LMO7: variants seen among roughly 807,000 people sequenced by gnomAD.
LMO7 encodes LIM domain 7.
A neutral mutation model predicts 206.5 loss-of-function variants in LMO7; 120 were observed. That is an observed-to-expected ratio of 0.58 (90% CI 0.50 to 0.68). LMO7 has a LOEUF of 0.68. Among genes scored for constraint, LMO7 ranks in the 30% least tolerant of loss-of-function variants. LMO7 has a pLI of 0.00. For missense variants in LMO7, 1,959 were observed against 1,957.9 expected, an observed-to-expected ratio of 1.00 and a Z score of -0.01; for synonymous variants, 706 against 681.5, an observed-to-expected ratio of 1.04 and a Z score of -0.56.
chr13:75,756,207 A>C (rs1646049428), intron 3 of LMO7, among the ~76,000 whole-genome samples: 1 of 152,130 alleles, frequency 6.6e-6, no homozygotes, highest in Non-Finnish European at 1.5e-5. Flanking sequence ...TCAGCAAGAG[A>C]CCAAGGTAGA....
intron 6 of LMO7, among the ~76,000 whole-genome samples, chr13:75,797,325 T>G (rs2054156949): frequency 6.6e-6 from 1 of 152,230 alleles, no homozygotes; most frequent in Non-Finnish European, 1.5e-5. Context: ...GTCATTCATA[T>G]TTTGCAATCA....
chr13:75,646,278 C>G (rs746491181), intron 1 of LMO7, among the ~76,000 whole-genome samples: 7 of 152,210 alleles, frequency 4.6e-5, no homozygotes, highest in Non-Finnish European at 1.0e-4. Context: ...CCACCTCTTG[C>G]CACATCCACC....
intron 1 of LMO7, among the ~76,000 whole-genome samples, chr13:75,663,438 T>TC (rs1220617573): frequency 0.016 from 2,354 of 144,500 alleles, 36 homozygotes; most frequent in Non-Finnish European, 0.02. Context: ...CTTTCTTTTT[T>TC]TTTTTTTTTT....
At chr13:75,705,059 G>A (rs1302826211) in intron 1 of LMO7, among the ~76,000 whole-genome samples, 1 of 152,204 alleles carries the variant, frequency 6.6e-6, no homozygotes, top group Non-Finnish European at 1.5e-5. Context: ...AGGTTTGGCA[G>A]AGGTGTTGGT....
rs1365632904 is a variant in LMO7 at position 75,853,242 on chromosome 13, C to T, written c.4515C>T (p.Ala1505=). 1 of 1,614,034 alleles carries T rather than the reference C, an allele frequency of 6.2e-7. No homozygotes were observed. The highest frequency in any genetic ancestry group is 2.2e-5 in the East Asian group (1 of 44,872). ...AGCTGGTGTCCACATCAAACCGTGC[C>T]TACATGCGGAACCCCTCCTCCAGCG... ...PPQLVSTSNR[A]YMRNPSSSVP... is the part of the protein sequence containing the mutation. Residue 1505 remains alanine, a synonymous_variant, in exon 28 of 31, where the codon GCC becomes GCT. Transcript: ENST00000377534.
At chr13:75,715,814 A>G (rs2043486693) in intron 2 of LMO7, among the ~76,000 whole-genome samples, 1 of 152,192 alleles carries the variant, frequency 6.6e-6, no homozygotes, top group Non-Finnish European at 1.5e-5. Context: ...GTTTGTGGCC[A>G]CATCCACCTG....
chr13:75,766,405 G>GA (rs1157687029), intron 4 of LMO7, among the ~76,000 whole-genome samples: 2 of 152,122 alleles, frequency 1.3e-5, no homozygotes, highest in Non-Finnish European at 2.9e-5. Context: ...CTACAGAGTA[G>GA]AAAATGGCAC....
At chr13:75,731,696 C>T (rs1242088785) in intron 3 of LMO7, among the ~76,000 whole-genome samples, 5 of 151,278 alleles carry the variant, frequency 3.3e-5, no homozygotes, top group African/African-American at 1.2e-4. Context: ...TTATTTTGCT[C>T]GTTAGTTGAT....
upstream of LMO7, among the ~76,000 whole-genome samples, chr13:75,632,697 T>C (rs2035099488): frequency 1.3e-5 from 2 of 152,212 alleles, no homozygotes; most frequent in Admixed American, 1.3e-4. Flanking sequence ...CAGCTTTAAA[T>C]AGTGTAATGT....
chr13:75,825,150 G>T (rs1277462037), intron 15 of LMO7, among the ~76,000 whole-genome samples: 1 of 151,550 alleles, frequency 6.6e-6, no homozygotes, highest in African/African-American at 2.4e-5. Context: ...GAAATAATTA[G>T]TTGTAAATTA....
chr13:75,727,472 CGA>C (rs2044589212), intron 3 of LMO7, among the ~76,000 whole-genome samples: 1 of 151,760 alleles, frequency 6.6e-6, no homozygotes, highest in Non-Finnish European at 1.5e-5. Context: ...ATACAAAGTA[CGA>C]ATACCTTCTA....
chr13:75,760,565 G>A, intron 3 of LMO7: 1 of 1,340,394 alleles, frequency 7.5e-7, no homozygotes, highest in Non-Finnish European at 9.5e-7. Context: ...GAGAGGTGAG[G>A]CTTGCCGTGC....
intron 11 of LMO7, 38 bp downstream of exon 11, chr13:75,809,221 T>G (rs1397276817): frequency 1.9e-6 from 3 of 1,563,078 alleles, no homozygotes; most frequent in Non-Finnish European, 2.6e-6. Flanking sequence ...TCTGTGCGTG[T>G]TGTTTGTTCT....
chr13:75,720,568 T>C (rs918525914), intron 2 of LMO7, among the ~76,000 whole-genome samples: 3 of 152,244 alleles, frequency 2.0e-5, no homozygotes, highest in Non-Finnish European at 4.4e-5. Context: ...TGGGAAATTT[T>C]CTACTACTCA....
chr13:75,801,154 C>T (rs1374817484), intron 7 of LMO7, among the ~76,000 whole-genome samples: 4 of 151,308 alleles, frequency 2.6e-5, no homozygotes, highest in Admixed American at 6.6e-5. Flanking sequence ...CCTGGCTCTT[C>T]TCTCTCCAGA....
intron 8 of LMO7, chr13:75,804,953 G>A (rs1418098198): frequency 4.6e-5 from 46 of 1,002,614 alleles, no homozygotes; most frequent in East Asian, 2.1e-4. Context: ...ATGGGGAGGC[G>A]TACGGTTTTG....
intron 4 of LMO7, among the ~76,000 whole-genome samples, chr13:75,780,455 C>T (rs898077048): frequency 5.9e-5 from 9 of 152,188 alleles, no homozygotes; most frequent in Non-Finnish European, 8.8e-5. Context: ...CTGTTCCGCC[C>T]GGCCCTGCAG....
intron 4 of LMO7, among the ~76,000 whole-genome samples, chr13:75,766,567 G>GGGGGATGGCCCTGTAAATTCACA (rs2048918875): frequency 6.6e-6 from 1 of 150,966 alleles, no homozygotes; most frequent in African/African-American, 2.4e-5. Context: ...ATTATGACTG[G>GGGGGATGGCCCTGTAAATTCACA]GGAGATGGCC....
In LMO7 at chr13:75,727,054, G is replaced by A. The variant is rs140368500; in HGVS notation, c.166G>A (p.Val56Ile). ...TTTGATTAATAAGCTTAAACCTGGC[G>A]TCATTAAGAAGATCAATAGACTGTC... ...CDLINKLKPG[V>I]IKKINRLSTP... is the part of the protein sequence containing the mutation. The change falls in exon 3 of 31, where the codon GTC becomes ATC. Residue 56 changes from valine to isoleucine, a missense_variant. By Grantham distance (29) the Val-to-Ile change is conservative. Transcript: ENST00000377534. 249 of 1,588,018 alleles carry A rather than the reference G, an allele frequency of 1.6e-4. 3 individuals carry two copies. The highest frequency in any genetic ancestry group is 5.1e-4 in the Middle Eastern group (3 of 5,914).
Sources: gnomAD v4.1 joint callset for allele counts (sites outside exome capture counted in the v4.1 genomes callset) on GRCh38, gnomAD v4.1.1 for gene constraint, MANE v1.5 for transcripts, NCBI Gene and HGNC (gene_info 2026-07-23, HGNC 2026-07-21) for gene names.